The following LRRC7 variants were observed in gnomAD, a reference collection of about 807,000 sequenced individuals.
LRRC7 encodes leucine rich repeat containing 7, also known as leucine-rich repeat-containing protein 7.
LRRC7 carries 23 observed loss-of-function variants against 175.7 expected under a neutral mutation model. The ratio of observed to expected loss-of-function variants is 0.13; its 90% CI spans 0.09 to 0.19. The LOEUF (loss-of-function observed/expected upper bound fraction) is 0.19. Ranked by LOEUF, LRRC7 falls within the 10% of genes least tolerant of loss-of-function variation. The pLI is 1.00. For missense variants in LRRC7, 1,354 were observed against 1,904.7 expected, an observed-to-expected ratio of 0.71 and a Z score of 5.38; for synonymous variants, 685 against 680.9, an observed-to-expected ratio of 1.01 and a Z score of -0.09.
At chr1:69,633,935 T>G (rs1652921130) in intron 1 of LRRC7, among the ~76,000 whole-genome samples, 2 of 152,116 alleles carry the variant, frequency 1.3e-5, no homozygotes, top group Non-Finnish European at 2.9e-5. Context: ...CATTTAATCT[T>G]TCCTGTCATT....
intron 15 of LRRC7, among the ~76,000 whole-genome samples, chr1:70,020,274 C>T (rs926483415): frequency 2.6e-5 from 4 of 151,844 alleles, no homozygotes; most frequent in African/African-American, 9.7e-5. Context: ...TTCATGTGAT[C>T]TTTGCCATAA....
intron 2 of LRRC7, among the ~76,000 whole-genome samples, chr1:69,717,853 GGAAAGAAA>G (rs144400631): frequency 0.02 from 307 of 15,626 alleles, 59 homozygotes; most frequent in Middle Eastern, 0.045. Context: ...AAGAAAGAAA[GGAAAGAAA>G]GAAAGAAAGA....
At chr1:69,650,710 T>G (rs1007610644) in intron 1 of LRRC7, among the ~76,000 whole-genome samples, 11 of 98,956 alleles carry the variant, frequency 1.1e-4, no homozygotes, top group Non-Finnish European at 2.0e-4. Flanking sequence ...TTTTTAGCCA[T>G]AGCTTCCTAA....
chr1:69,576,415 G>A (rs1569615613), intron 1 of LRRC7, among the ~76,000 whole-genome samples: 1 of 151,970 alleles, frequency 6.6e-6, no homozygotes, highest in East Asian at 1.9e-4. Context: ...TTGATTGCAG[G>A]TAAATTTAAG....
At chr1:69,906,212 C>G (rs2101683833) in intron 7 of LRRC7, among the ~76,000 whole-genome samples, 1 of 152,198 alleles carries the variant, frequency 6.6e-6, no homozygotes, top group Middle Eastern at 3.4e-3. Context: ...TGTGGGTTGC[C>G]TGTTCACTCT....
chr1:69,964,547 G>A (rs1651472369), intron 8 of LRRC7, among the ~76,000 whole-genome samples: 1 of 152,168 alleles, frequency 6.6e-6, no homozygotes, highest in African/African-American at 2.4e-5. Context: ...ATAGAAGTTA[G>A]ATTTTTTTGT....
At chr1:69,931,091 G>A (rs1647328114) in intron 7 of LRRC7, among the ~76,000 whole-genome samples, 1 of 152,150 alleles carries the variant, frequency 6.6e-6, no homozygotes, top group Non-Finnish European at 1.5e-5. Flanking sequence ...ATTTAAAGGA[G>A]TAGAAAATAA....
rs1252018242 is a variant in LRRC7 at position 69,883,642 on chromosome 1, T to G, written c.647+45359T>G. 6.1e-5 allele frequency among the ~76,000 whole-genome samples: 6 copies of G among 98,682 alleles called. 1 individual carries two copies. The highest frequency in any genetic ancestry group is 3.1e-4 in the South Asian group (1 of 3,234). The allele number at this position is 98,682 out of a possible 152,430, so 64.7% of individuals were successfully genotyped here. A position where few individuals can be genotyped will look rare whatever the true frequency, so the allele number is the denominator to read the frequency against. The stretch of plus-strand genomic sequence containing the variant: ...AATTAGATCCCATTTGTCAATTTTG[T>G]CTTTTGTTGCCATTGCTTTTGGTGT... On this transcript the variant is annotated intron_variant, in intron 7 of 26. Transcript: ENST00000651989.
At chr1:69,839,857 T>C (rs1226993068) in intron 7 of LRRC7, among the ~76,000 whole-genome samples, 1 of 152,058 alleles carries the variant, frequency 6.6e-6, no homozygotes, top group East Asian at 1.9e-4. Context: ...ATGGACTTTA[T>C]ATGAAATAGC....
intron 1 of LRRC7, among the ~76,000 whole-genome samples, chr1:69,645,575 C>T (rs978602846): frequency 3.3e-5 from 5 of 152,016 alleles, no homozygotes; most frequent in Admixed American, 1.3e-4. Flanking sequence ...GAATGAGGCA[C>T]AGAGAACCTG....
At chr1:69,796,725 C>A (rs965721324) in intron 4 of LRRC7, among the ~76,000 whole-genome samples, 1 of 151,362 alleles carries the variant, frequency 6.6e-6, no homozygotes, top group Non-Finnish European at 1.5e-5. Context: ...ACCTAGGAGG[C>A]GGAGGTTGCG....
At chr1:69,751,991 C>G (rs72941445) in intron 2 of LRRC7, among the ~76,000 whole-genome samples, 3,155 of 152,090 alleles carry the variant, frequency 0.021, 120 homozygotes, top group African/African-American at 0.072. Context: ...GCAAATCAAA[C>G]CATGTACAAG....
chr1:69,844,544 G>A (rs139795681), intron 7 of LRRC7, among the ~76,000 whole-genome samples: 13 of 152,156 alleles, frequency 8.5e-5, no homozygotes, highest in East Asian at 1.9e-4. Flanking sequence ...ATAATATTCC[G>A]CTATATACAT....
chr1:69,620,157 A>C (rs1650328715), intron 1 of LRRC7, among the ~76,000 whole-genome samples: 1 of 152,178 alleles, frequency 6.6e-6, no homozygotes, highest in Non-Finnish European at 1.5e-5. Flanking sequence ...ATATTAAAGA[A>C]ATTTGCAACA....
chr1:69,845,590 T>G (rs189807571), intron 7 of LRRC7, among the ~76,000 whole-genome samples: 19 of 152,226 alleles, frequency 1.2e-4, no homozygotes, highest in Admixed American at 3.3e-4. Context: ...TGAAGAAAGC[T>G]CATAGATTAA....
At chr1:70,096,027 G>T (rs963922064) in intron 25 of LRRC7, among the ~76,000 whole-genome samples, 15 of 152,106 alleles carry the variant, frequency 9.9e-5, no homozygotes, top group Middle Eastern at 3.4e-3. Flanking sequence ...GCCCAGGCTG[G>T]AGTGCAGTGA....
intron 7 of LRRC7, among the ~76,000 whole-genome samples, chr1:69,858,785 G>T (rs1336731395): frequency 1.3e-5 from 2 of 152,084 alleles, no homozygotes; most frequent in East Asian, 3.9e-4. Context: ...TGCTCATTTT[G>T]CATTTCCTGA....
chr1:69,751,682 T>C (rs1175120384), intron 2 of LRRC7, among the ~76,000 whole-genome samples: 2 of 152,136 alleles, frequency 1.3e-5, no homozygotes, highest in Non-Finnish European at 2.9e-5. Flanking sequence ...TCAGGGATGA[T>C]GGTCTATAGT....
intron 8 of LRRC7, among the ~76,000 whole-genome samples, chr1:69,946,851 G>C (rs1230432395): frequency 1.3e-5 from 2 of 152,018 alleles, no homozygotes; most frequent in Non-Finnish European, 2.9e-5. Flanking sequence ...GCTGAGATGG[G>C]TGGATCACCT....
Sources: gnomAD v4.1 joint callset for allele counts (sites outside exome capture counted in the v4.1 genomes callset) on GRCh38, gnomAD v4.1.1 for gene constraint, MANE v1.5 for transcripts, NCBI Gene and HGNC (gene_info 2026-07-23, HGNC 2026-07-21) for gene names.